WDFY4: variants seen among roughly 807,000 people sequenced by gnomAD.
The protein encoded by WDFY4 is WD repeat- and FYVE domain-containing protein 4.
Under a neutral mutation model 351.9 loss-of-function variants are expected in WDFY4, and 169 were observed. The observed-to-expected ratio is 0.48, with a 90% CI of 0.42 to 0.55. The LOEUF is 0.55. WDFY4 is among the 20% of genes least tolerant of loss of function. WDFY4 has a pLI of 0.00. For synonymous variants in WDFY4, 1,622 were observed against 1,574.6 expected (o/e 1.03, Z -0.71); for missense variants, 3,803 against 3,935.6 (o/e 0.97, Z 0.90).
At chr10:48,894,690 A>C (rs1836984831) in intron 44 of WDFY4, among the ~76,000 whole-genome samples, 1 of 152,240 alleles carries the variant, frequency 6.6e-6, no homozygotes, top group Non-Finnish European at 1.5e-5. Flanking sequence ...TAGGGTCTGC[A>C]GGGGAGAGAG....
chr10:48,736,093 G>T (rs1242683445), intron 11 of WDFY4, 23 bp downstream of exon 11: 6 of 1,551,484 alleles, frequency 3.9e-6, no homozygotes, highest in Non-Finnish European at 5.2e-6. Flanking sequence ...CCTCCTTTGA[G>T]ATTGGCTTCC....
chr10:48,979,169 T>C (rs1360822138), intron 60 of WDFY4, among the ~76,000 whole-genome samples: 1 of 152,114 alleles, frequency 6.6e-6, no homozygotes, highest in African/African-American at 2.4e-5. Context: ...ATCACAAAGA[T>C]CAATAATATC....
intron 47 of WDFY4, among the ~76,000 whole-genome samples, chr10:48,911,876 G>T (rs1838037745): frequency 6.6e-6 from 1 of 152,174 alleles, no homozygotes; most frequent in Non-Finnish European, 1.5e-5. Flanking sequence ...TGATAGGGTT[G>T]TCATAGCTAA....
At chr10:48,718,748 A>G (rs1408498634) in intron 2 of WDFY4, among the ~76,000 whole-genome samples, 4 of 152,246 alleles carry the variant, frequency 2.6e-5, no homozygotes, top group Non-Finnish European at 4.4e-5. Context: ...AGCCAGTTCT[A>G]CAACACAGTA....
chr10:48,696,801 G>A (rs981907468), intron 1 of WDFY4, among the ~76,000 whole-genome samples: 12 of 152,258 alleles, frequency 7.9e-5, no homozygotes, highest in Non-Finnish European at 4.4e-5. Context: ...CATGCAGTGC[G>A]CACTCTGTGG....
At chr10:48,888,564 T>C (rs1306777749) in intron 43 of WDFY4, among the ~76,000 whole-genome samples, 1 of 152,072 alleles carries the variant, frequency 6.6e-6, no homozygotes, top group African/African-American at 2.4e-5. Context: ...AACTCTCCCA[T>C]GGCTTTCTGT....
At chr10:48,812,768 C>A (rs1359875858) in intron 30 of WDFY4, among the ~76,000 whole-genome samples, 1 of 152,148 alleles carries the variant, frequency 6.6e-6, no homozygotes, top group African/African-American at 2.4e-5. Context: ...GCACCAAGCC[C>A]CCTCATCTCT....
chr10:48,792,061 A>G (rs2066700991), intron 23 of WDFY4, among the ~76,000 whole-genome samples: 1 of 152,188 alleles, frequency 6.6e-6, no homozygotes, highest in Admixed American at 6.5e-5. Context: ...AAAACTGGCC[A>G]CAGACCTTTC....
intron 54 of WDFY4, 86 bp from the exon 55 acceptor site, chr10:48,966,440 G>A (rs551396240): frequency 5.7e-6 from 8 of 1,414,132 alleles, no homozygotes; most frequent in South Asian, 2.9e-5. Flanking sequence ...AACCCCCAGA[G>A]ACAGGGTGCA....
At chr10:48,718,935 A>C (rs2063991989) in intron 2 of WDFY4, among the ~76,000 whole-genome samples, 1 of 152,246 alleles carries the variant, frequency 6.6e-6, no homozygotes, top group Admixed American at 6.5e-5. Context: ...AGTCTGCAGA[A>C]AAAGGTGATC....
At chr10:48,913,837 G>T (rs746933955) in intron 47 of WDFY4, 19 of 1,614,096 alleles carry the variant, frequency 1.2e-5, no homozygotes, top group Non-Finnish European at 1.5e-5. Context: ...CTGGTCAGCC[G>T]GTTGTTGCTG....
At chr10:48,748,526 A>G (rs2065080566) in intron 12 of WDFY4, among the ~76,000 whole-genome samples, 1 of 152,190 alleles carries the variant, frequency 6.6e-6, no homozygotes, top group African/African-American at 2.4e-5. Context: ...ATAGTTTTCC[A>G]AATGTCTGAC....
At chr10:48,924,583 AG>A (rs1839411460) in intron 47 of WDFY4, among the ~76,000 whole-genome samples, 1 of 152,202 alleles carries the variant, frequency 6.6e-6, no homozygotes, top group South Asian at 2.1e-4. Context: ...CAAATATAAG[AG>A]GTTTCTAAAG....
chr10:48,784,757 G>T (rs545900900), intron 19 of WDFY4, among the ~76,000 whole-genome samples: 2 of 150,012 alleles, frequency 1.3e-5, no homozygotes, highest in East Asian at 2.0e-4. Flanking sequence ...GGCCAGGATG[G>T]TCTCAATCTC....
intron 39 of WDFY4, among the ~76,000 whole-genome samples, chr10:48,841,416 AG>A (rs1209669324): frequency 6.6e-6 from 1 of 151,134 alleles, no homozygotes; most frequent in Admixed American, 6.6e-5. Context: ...TTTTCGGAAA[AG>A]TTTCTGTAAT....
At chr10:48,737,530 C>T (rs543154481) in intron 11 of WDFY4, among the ~76,000 whole-genome samples, 1 of 152,198 alleles carries the variant, frequency 6.6e-6, no homozygotes, top group Non-Finnish European at 1.5e-5. Flanking sequence ...TGAGCTGTTC[C>T]AGTTATTATG....
In WDFY4 at chr10:48,896,006, A is replaced by G. The variant is rs187993896; in HGVS notation, c.7317-1448A>G. On this transcript the variant is annotated intron_variant, in intron 44 of 61. Coordinates refer to ENST00000325239, the MANE Select transcript of WDFY4 (RefSeq NM_001394531.1). ...CTCACTGCTCCAGGCCTGGCCTGGG[A>G]ATTTTAAGATGCACTCCCTACATTT... is the stretch of plus-strand genomic sequence containing the variant. Among the ~76,000 whole-genome samples the G allele has an allele frequency of 3.1e-3, 471 of 152,300 alleles. 1 individual carries two copies. Among genetic ancestry groups the G allele is most frequent in the Admixed American group, 9.5e-3 (146 of 15,304 alleles).
intron 39 of WDFY4, among the ~76,000 whole-genome samples, chr10:48,866,322 T>C (rs1212564299): frequency 6.6e-6 from 1 of 152,234 alleles, no homozygotes; most frequent in Non-Finnish European, 1.5e-5. Flanking sequence ...TCCCTTTTGA[T>C]TTCTTCTTTG....
chr10:48,821,644 G>A (rs1310243781), intron 34 of WDFY4, among the ~76,000 whole-genome samples: 6 of 152,200 alleles, frequency 3.9e-5, no homozygotes, highest in East Asian at 1.9e-4. Flanking sequence ...TGGTTCCAGG[G>A]CAGCTGTACC....
Sources: gnomAD v4.1 joint callset for allele counts (sites outside exome capture counted in the v4.1 genomes callset) on GRCh38, gnomAD v4.1.1 for gene constraint, MANE v1.5 for transcripts, NCBI Gene and HGNC (gene_info 2026-07-23, HGNC 2026-07-21) for gene names.